Variants in LSM14A observed in about 807,000 individuals in gnomAD.
LSM14A encodes the protein protein LSM14 homolog A.
In LSM14A, 14 loss-of-function variants were observed where a neutral mutation model predicts 52.4. That is an observed-to-expected ratio of 0.27 (90% confidence interval 0.18 to 0.42). The LOEUF is 0.42. Ranked by LOEUF, LSM14A falls within the 10% of genes least tolerant of loss-of-function variation. The probability of loss-of-function intolerance (pLI) is 1.00; values close to 1 mark genes in which losing one functional copy is unlikely to be tolerated. For synonymous variants in LSM14A, 185 were observed against 200.3 expected (o/e 0.92, Z 0.64); for missense variants, 417 against 581.8 (o/e 0.72, Z 2.91).
chr19:34,213,242 A>T (rs1373631835), intron 4 of LSM14A, among the ~76,000 whole-genome samples: 1 of 152,044 alleles, frequency 6.6e-6, no homozygotes, highest in Non-Finnish European at 1.5e-5. Context: ...ATGATTTCCC[A>T]TTATAATCCA....
intron 3 of LSM14A, among the ~76,000 whole-genome samples, chr19:34,197,454 T>TTTTTTC (rs2070939181): frequency 1.3e-5 from 1 of 77,078 alleles, no homozygotes; most frequent in East Asian, 3.2e-4. Flanking sequence ...TTTTTTTTTT[T>TTTTTTC]CTGAGGCAGA....
rs769293438 is a variant in LSM14A, at chr19:34,219,413, A to G, written c.804A>G (p.Pro268=). The change falls in exon 7 of 10, where the codon CCA becomes CCG. Residue 268 remains proline, a synonymous_variant. Coordinates refer to ENST00000544216, the MANE Select transcript of LSM14A (RefSeq NM_015578.4). ...RQVAPGAPSA[P]RRGRGGHRGG... The stretch of plus-strand genomic sequence containing the variant: ...TAGCTCCAGGTGCTCCTTCAGCTCC[A>G]AGGAGAGGGCGTGGGGGTCATCGGG... 1 of 1,611,644 alleles carries G rather than the reference A, an allele frequency of 6.2e-7. No homozygotes were observed. Among genetic ancestry groups the G allele is most frequent in the East Asian group, 2.2e-5 (1 of 44,866 alleles).
chr19:34,219,675 T>C (rs772468944), intron 7 of LSM14A, 31 bp from the exon 8 acceptor site: 5 of 1,592,126 alleles, frequency 3.1e-6, no homozygotes, highest in South Asian at 1.1e-5. Flanking sequence ...TTAGCTGTCT[T>C]GACTTTTCTG....
chr19:34,184,272 C>G (rs2069723485), intron 1 of LSM14A, among the ~76,000 whole-genome samples: 1 of 152,058 alleles, frequency 6.6e-6, no homozygotes, highest in African/African-American at 2.4e-5. Context: ...AGGCTGGTCT[C>G]GAACTCCTGA....
intron 6 of LSM14A, among the ~76,000 whole-genome samples, chr19:34,216,856 A>T (rs1333303138): frequency 2.6e-5 from 4 of 151,964 alleles, no homozygotes; most frequent in Non-Finnish European, 5.9e-5. Flanking sequence ...TGTGGTTTTT[A>T]TGTTTTGTGT....
chr19:34,226,508 TG>T, intron 9 of LSM14A: 2 of 1,463,006 alleles, frequency 1.4e-6, no homozygotes, highest in East Asian at 2.5e-5. Context: ...GTTGGCTTTG[TG>T]GGGGACAGCA....
intron 8 of LSM14A, among the ~76,000 whole-genome samples, chr19:34,220,497 C>A (rs181841839): frequency 7.9e-5 from 12 of 152,106 alleles, no homozygotes; most frequent in African/African-American, 2.9e-4. Context: ...TTTGCTGGTA[C>A]CATAAAACTG....
At chr19:34,199,492 T>A (rs2071131683) in intron 3 of LSM14A, among the ~76,000 whole-genome samples, 1 of 152,182 alleles carries the variant, frequency 6.6e-6, no homozygotes, top group Non-Finnish European at 1.5e-5. Flanking sequence ...ATAAAATACT[T>A]ATGTTGGGAA....
At chr19:34,215,053 AT>A (rs1472693476) in intron 4 of LSM14A, 70 bp from the exon 5 acceptor site, 142 of 1,312,918 alleles carry the variant, frequency 1.1e-4, no homozygotes, top group South Asian at 1.5e-4. Flanking sequence ...ACTCTGGACA[AT>A]TTTTTTTAGG....
At chr19:34,223,752 G>A (rs2073191753) in intron 9 of LSM14A, among the ~76,000 whole-genome samples, 1 of 152,200 alleles carries the variant, frequency 6.6e-6, no homozygotes, top group African/African-American at 2.4e-5. Flanking sequence ...AGTCAGCTTG[G>A]TCTGAGAAAA....
chr19:34,177,783 C>G (rs117012645), intron 1 of LSM14A, among the ~76,000 whole-genome samples: 2,634 of 152,208 alleles, frequency 0.017, 33 homozygotes, highest in South Asian at 0.033. Context: ...GTCGTCCCAG[C>G]CACTTGGGAG....
chr19:34,207,596 A>G (rs1269174189), intron 3 of LSM14A, among the ~76,000 whole-genome samples: 3 of 151,412 alleles, frequency 2.0e-5, no homozygotes, highest in South Asian at 4.2e-4. Flanking sequence ...CAGTGGCCCA[A>G]TATTGGCTCA....
At chr19:34,224,806 A>G (rs765447848) in intron 9 of LSM14A, among the ~76,000 whole-genome samples, 4 of 152,228 alleles carry the variant, frequency 2.6e-5, no homozygotes, top group Non-Finnish European at 5.9e-5. Flanking sequence ...TTCTTCAGAT[A>G]TGCCAGGCAC....
At chr19:34,217,332 T>C (rs1373865810) in intron 6 of LSM14A, among the ~76,000 whole-genome samples, 2 of 151,724 alleles carry the variant, frequency 1.3e-5, no homozygotes, top group African/African-American at 2.4e-5. Context: ...TTTTCTTTTA[T>C]GATTATTGAT....
At chr19:34,200,204 C>G (rs1003252172) in intron 3 of LSM14A, among the ~76,000 whole-genome samples, 3 of 152,144 alleles carry the variant, frequency 2.0e-5, no homozygotes, top group Non-Finnish European at 4.4e-5. Context: ...TTCAATATTA[C>G]AAAGAATGGA....
At chr19:34,209,432 T>C (rs1568491814) in intron 4 of LSM14A, among the ~76,000 whole-genome samples, 1 of 152,226 alleles carries the variant, frequency 6.6e-6, no homozygotes, top group Non-Finnish European at 1.5e-5. Context: ...GTTAACATTT[T>C]CCCTAACATC....
At chr19:34,226,600 G>A (rs2073361886) in intron 9 of LSM14A, 1 of 730,040 alleles carries the variant, frequency 1.4e-6, no homozygotes. Context: ...AAATGTTTTG[G>A]TGTTGTATAC....
chr19:34,217,974 A>G (rs1204564632), intron 6 of LSM14A, among the ~76,000 whole-genome samples: 1 of 147,654 alleles, frequency 6.8e-6, no homozygotes, highest in Non-Finnish European at 1.5e-5. Context: ...TTACAGACAC[A>G]GACATCTATA....
intron 1 of LSM14A, among the ~76,000 whole-genome samples, chr19:34,187,695 T>C (rs2070033637): frequency 6.6e-6 from 1 of 152,186 alleles, no homozygotes; most frequent in Non-Finnish European, 1.5e-5. Context: ...TTTGGTATTT[T>C]ATAATGGAGG....
Sources: gnomAD v4.1 joint callset for allele counts (sites outside exome capture counted in the v4.1 genomes callset) on GRCh38, gnomAD v4.1.1 for gene constraint, MANE v1.5 for transcripts, NCBI Gene and HGNC (gene_info 2026-07-23, HGNC 2026-07-21) for gene names.